Variants in ACTN1 observed in about 807,000 individuals in gnomAD.
The protein encoded by ACTN1 is alpha-actinin-1.
Under a neutral mutation model 119.6 loss-of-function variants are expected in ACTN1, and 30 were observed. The observed-to-expected ratio is 0.25, with a 90% confidence interval of 0.19 to 0.34. The LOEUF is 0.34. Among genes scored for constraint, ACTN1 ranks in the 10% least tolerant of loss-of-function variants. The probability of loss-of-function intolerance (pLI) is 1.00; values close to 1 mark genes in which losing one functional copy is unlikely to be tolerated. For missense variants in ACTN1, 764 were observed against 1,223.4 expected (o/e 0.62, Z 5.60); for synonymous variants, 429 against 472.6 (o/e 0.91, Z 1.20).
intron 8 of ACTN1, among the ~76,000 whole-genome samples, chr14:68,902,257 A>G (rs1257670481): frequency 6.6e-6 from 1 of 152,120 alleles, no homozygotes; most frequent in Non-Finnish European, 1.5e-5. Flanking sequence ...CTGCTGCCCA[A>G]TTTTCTTGTT....
At chr14:68,927,096 A>C (rs1027774806) in intron 1 of ACTN1, among the ~76,000 whole-genome samples, 4 of 152,208 alleles carry the variant, frequency 2.6e-5, no homozygotes, top group Non-Finnish European at 5.9e-5. Flanking sequence ...CATGATGAAG[A>C]GAAACGGCGT....
At chr14:68,913,972 CA>C (rs1001556129) in intron 3 of ACTN1, among the ~76,000 whole-genome samples, 24 of 152,290 alleles carry the variant, frequency 1.6e-4, no homozygotes, top group East Asian at 1.9e-4. Context: ...CCTGTACTCC[CA>C]ACACTTTGGG....
chr14:68,910,124 T>C, intron 4 of ACTN1, 82 bp from the exon 5 acceptor site: 1 of 1,162,230 alleles, frequency 8.6e-7, no homozygotes, highest in South Asian at 1.3e-5. Context: ...GGCCCCACTG[T>C]GACCCTTTGA....
chr14:68,908,989 C>T (rs751103618), intron 6 of ACTN1, among the ~76,000 whole-genome samples: 5 of 152,200 alleles, frequency 3.3e-5, no homozygotes, highest in Non-Finnish European at 5.9e-5. Context: ...AAAATAGTGT[C>T]TCCTCTTTAC....
At position 68,910,049 on chromosome 14, in the gene ACTN1, G is replaced by A. The variant is rs1404236321; in HGVS notation, c.428-7C>T. ...CCTTCCTTGGCTGAAGTCTCTATGG[G>A]GAAGGGGATGGGCAGCGAGGTCAGA... is the stretch of plus-strand genomic sequence containing the variant. On this transcript the variant is annotated splice_polypyrimidine_tract_variant and splice_region_variant and intron_variant, in intron 4 of 21. Transcript: ENST00000394419. 1 of 1,612,330 alleles carries A rather than the reference G, an allele frequency of 6.2e-7. No homozygotes were observed. Among genetic ancestry groups the A allele is most frequent in the African/African-American group, 1.3e-5 (1 of 74,874 alleles).
intron 1 of ACTN1, among the ~76,000 whole-genome samples, chr14:68,939,085 T>G (rs1258876409): frequency 1.3e-5 from 2 of 152,190 alleles, no homozygotes; most frequent in Non-Finnish European, 2.9e-5. Flanking sequence ...ACCATGAGAC[T>G]CTGATCTGGC....
intron 1 of ACTN1, among the ~76,000 whole-genome samples, chr14:68,956,580 AGCCTT>A (rs2036358139): frequency 6.6e-6 from 1 of 152,150 alleles, no homozygotes; most frequent in Non-Finnish European, 1.5e-5. Context: ...TAAGGAATAT[AGCCTT>A]GGAGTGAACC....
intron 1 of ACTN1, among the ~76,000 whole-genome samples, chr14:68,973,379 A>G (rs1177585989): frequency 6.6e-6 from 1 of 152,152 alleles, no homozygotes; most frequent in Non-Finnish European, 1.5e-5. Flanking sequence ...TTCTCGTGAG[A>G]GTGAGTTCTC....
chr14:68,895,197 TGGGGA>T (rs2032782661), intron 8 of ACTN1, among the ~76,000 whole-genome samples: 1 of 151,960 alleles, frequency 6.6e-6, no homozygotes, highest in Admixed American at 6.6e-5. Context: ...TCCCCTGAGG[TGGGGA>T]CTTTGAGTCC....
At chr14:68,895,592 C>T (rs1373023501) in intron 8 of ACTN1, among the ~76,000 whole-genome samples, 1 of 152,150 alleles carries the variant, frequency 6.6e-6, no homozygotes, top group Middle Eastern at 3.2e-3. Context: ...TGAGGATGTG[C>T]CACCCCGGAA....
rs71102619 is a variant in ACTN1, at chr14:68,932,539, T to TTTTTTA, written c.106-6868_106-6867insTAAAAA. Among the ~76,000 whole-genome samples, 21 of 117,200 alleles carry TTTTTTA rather than the reference T, an allele frequency of 1.8e-4. 3 individuals carry two copies. In the East Asian group the frequency reaches 4.6e-3, roughly 26 times the overall value. The allele number at this position is 117,200 out of a possible 152,430, so 76.9% of individuals were successfully genotyped here. ...TTTTTTTTTTTTTTTTTTTTTTTTTTAATTTTTCTTGGAGACTGGGTCTCT... is the reference window on the plus strand; with the variant it reads ...TTTTTTTTTTTTTTTTTTTTTTTTTTTTTTTAAATTTTTCTTGGAGACTGGGTCTCT... On this transcript the variant is annotated intron_variant, in intron 1 of 21. Coordinates refer to ENST00000394419, the MANE Select transcript of ACTN1 (RefSeq NM_001130004.2).
chr14:68,965,358 T>C (rs960784852), intron 1 of ACTN1, among the ~76,000 whole-genome samples: 6 of 152,226 alleles, frequency 3.9e-5, no homozygotes, highest in African/African-American at 1.4e-4. Flanking sequence ...AGGCCACCTA[T>C]TGACACCAGT....
intron 1 of ACTN1, among the ~76,000 whole-genome samples, chr14:68,959,430 C>G (rs570543263): frequency 1.4e-4 from 21 of 152,318 alleles, no homozygotes; most frequent in Non-Finnish European, 2.5e-4. Context: ...TGGTAAAACT[C>G]AGCTTTTAGT....
Position 68,878,475 on chromosome 14 carries a change from A to G in ACTN1, c.2410T>C (p.Ser804Pro). Residue 804 changes from serine (S) to proline (P), a missense_variant, in exon 20 of 22, where the codon TCC becomes CCC. Transcript: ENST00000394419. This position sits in a 1 kb window ranked among gnomAD's most constrained non-coding sequence, Gnocchi z 4.4. ...TACGTTACCATGTTGTAACCCATGG[A>G]GATCAGGCAGGCGCGGAAATCATCC... ...DTDDFRACLI[S>P]MGYNMGEAEF... The G allele has an allele frequency of 6.4e-7, 1 of 1,568,840 alleles. No homozygotes were observed. The highest frequency in any genetic ancestry group is 8.7e-7 in the Non-Finnish European group (1 of 1,155,558).
intron 3 of ACTN1, among the ~76,000 whole-genome samples, chr14:68,915,279 T>G (rs1421510905): frequency 1.5e-5 from 2 of 132,390 alleles, no homozygotes; most frequent in Non-Finnish European, 3.2e-5. Flanking sequence ...CTTCTCCTCC[T>G]CCTCCTCCCC....
At chr14:68,966,062 A>T (rs968548644) in intron 1 of ACTN1, among the ~76,000 whole-genome samples, 1 of 152,080 alleles carries the variant, frequency 6.6e-6, no homozygotes, top group Non-Finnish European at 1.5e-5. Context: ...TACAAAAAAA[A>T]TAAAATTATC....
Position 68,874,810 on chromosome 14 carries a change from T to G in ACTN1, c.*49A>C, listed in dbSNP as rs753420287. On this transcript the variant is annotated 3_prime_UTR_variant, in exon 22 of 22. Transcript: ENST00000394419. Reference sequence around the variant, plus strand: ...GGCAGGAGATGGGCGACGGCGGAGGTGCAAGGCAGGGCACGGCGCACAAGA... The same window carrying G: ...GGCAGGAGATGGGCGACGGCGGAGGGGCAAGGCAGGGCACGGCGCACAAGA... 2 of 1,487,640 alleles carry G rather than the reference T, an allele frequency of 1.3e-6. No homozygotes were observed. The highest frequency in any genetic ancestry group is 4.3e-5 in the Admixed American group (2 of 46,928). The allele number at this position is 1,487,640 out of a possible 1,614,324, so 92.2% of individuals were successfully genotyped here. A position where few individuals can be genotyped will look rare whatever the true frequency, so the allele number is the denominator to read the frequency against.
chr14:68,881,109 C>T (rs2140077687), intron 16 of ACTN1, 120 bp from the exon 17 acceptor site: 1 of 927,314 alleles, frequency 1.1e-6, no homozygotes, highest in East Asian at 2.5e-5. Context: ...CCATCCCAGC[C>T]CTAAGGAGGC....
chr14:68,879,228 C>T lies in ACTN1; in HGVS notation c.2281-159G>A, dbSNP rs2031257677. Among the ~76,000 whole-genome samples the T allele has an allele frequency of 1.3e-5, 2 of 151,358 alleles. No homozygotes were observed. Among genetic ancestry groups the T allele is most frequent in the Non-Finnish European group, 3.0e-5 (2 of 67,760 alleles). On this transcript the variant is annotated intron_variant, in intron 18 of 21. Transcript: ENST00000394419. This position sits in a 1 kb window ranked among gnomAD's most constrained non-coding sequence, Gnocchi z 4.9. Reference sequence around the variant, plus strand: ...CGGGGGAGGAGGGGAAATAAAAGTGCACACGGTTAGACACACCAACGAGGC... The same window carrying T: ...CGGGGGAGGAGGGGAAATAAAAGTGTACACGGTTAGACACACCAACGAGGC...
Sources: gnomAD v4.1 joint callset for allele counts (sites outside exome capture counted in the v4.1 genomes callset) on GRCh38, gnomAD v4.1.1 for gene constraint, Gnocchi (gnomAD v3.1) non-coding constraint, MANE v1.5 for transcripts, NCBI Gene and HGNC (gene_info 2026-07-23, HGNC 2026-07-21) for gene names.